The following PCDH10 variants were observed in gnomAD, a reference collection of about 807,000 sequenced individuals.
PCDH10 encodes the protein protocadherin-10.
A neutral mutation model predicts 74.4 loss-of-function variants in PCDH10; 15 were observed. The ratio of observed to expected loss-of-function variants is 0.20; its 90% CI spans 0.13 to 0.31. The LOEUF (loss-of-function observed/expected upper bound fraction) is 0.31, where lower values mean the gene tolerates loss of function less well. Ranked by LOEUF, PCDH10 falls within the 10% of genes least tolerant of loss-of-function variation. The pLI is 1.00. For missense variants in PCDH10, 1,260 were observed against 1,390.2 expected, an observed-to-expected ratio of 0.91 and a Z score of 1.49; for synonymous variants, 619 against 589.8, an observed-to-expected ratio of 1.05 and a Z score of -0.72.
chr4:133,177,316 A>AGCT (rs1727315390), intron 4 of PCDH10, among the ~76,000 whole-genome samples: 1 of 152,170 alleles, frequency 6.6e-6, no homozygotes, highest in Non-Finnish European at 1.5e-5. Flanking sequence ...TCTCACAATC[A>AGCT]GCTTTCTATT....
At chr4:133,205,724 T>TACATAC (rs1727986960) in intron 2 of PCDH10, among the ~76,000 whole-genome samples, 1 of 152,084 alleles carries the variant, frequency 6.6e-6, no homozygotes, top group Non-Finnish European at 1.5e-5. Flanking sequence ...TTCTAGGGTA[T>TACATAC]TTTCTTATGT....
intron 4 of PCDH10, among the ~76,000 whole-genome samples, chr4:133,175,487 TTA>T (rs1187301240): frequency 6.6e-6 from 1 of 152,152 alleles, no homozygotes; most frequent in African/African-American, 2.4e-5. Flanking sequence ...AGGAAAATGC[TTA>T]TGTTTCATGA....
At position 133,170,700 on chromosome 4, in the gene PCDH10, A is replaced by AT. The variant is rs1479882003; in HGVS notation, c.3103+7426dup. The stretch of plus-strand genomic sequence containing the variant: ...TTTTAGTGTATTCTTTTTGTTTTTG[A>AT]TTTTTTTTGAGATGAAGTCTCTCTC... On this transcript the variant is annotated intron_variant, in intron 4 of 4. Transcript: ENST00000264360. Among the ~76,000 whole-genome samples, 7 of 137,966 alleles carry AT rather than the reference A, an allele frequency of 5.1e-5. No homozygotes were observed. In the East Asian group the frequency reaches 6.0e-4, roughly 12 times the overall value. The allele number at this position is 137,966 out of a possible 152,430, so 90.5% of individuals were successfully genotyped here. A position where few individuals can be genotyped will look rare whatever the true frequency, so the allele number is the denominator to read the frequency against.
intron 4 of PCDH10, among the ~76,000 whole-genome samples, chr4:133,179,601 A>G (rs1022744043): frequency 1.3e-5 from 2 of 152,066 alleles, no homozygotes; most frequent in African/African-American, 4.8e-5. Flanking sequence ...GATTCAATTT[A>G]TTTTACTTTT....
chr4:133,164,708 T>G lies in PCDH10; in HGVS notation c.3103+1426T>G, dbSNP rs115197059. On this transcript the variant is annotated intron_variant, in intron 4 of 4. Coordinates refer to ENST00000264360, the MANE Select transcript of PCDH10 (RefSeq NM_032961.3). ...TTTAACATTTACAGATGTCTTTTCT[T>G]TACTGACTGGATTTTTTTATTAATA... Among the ~76,000 whole-genome samples, 360 of 151,650 alleles carry G rather than the reference T, an allele frequency of 2.4e-3. 1 individual carries two copies. Among genetic ancestry groups the G allele is most frequent in the African/African-American group, 8.2e-3 (340 of 41,488 alleles).
At chr4:133,204,800 A>G (rs1283983039) in intron 2 of PCDH10, among the ~76,000 whole-genome samples, 1 of 152,150 alleles carries the variant, frequency 6.6e-6, no homozygotes, top group Non-Finnish European at 1.5e-5. Context: ...ATTGGGATGG[A>G]GAATCTGCAA....
intron 4 of PCDH10, among the ~76,000 whole-genome samples, chr4:133,169,975 G>T (rs1280924514): frequency 2.0e-5 from 3 of 151,988 alleles, no homozygotes; most frequent in African/African-American, 7.2e-5. Context: ...CATAATGTGA[G>T]TCATTTTAAT....
In PCDH10 at chr4:133,192,237, T is replaced by C. The variant is rs539877818; in HGVS notation, c.*2077T>C. ...TTTCTTAAACTTTGGCATTACTACA[T>C]TAATATTTTGAATGATAGACTATTT... On this transcript the variant is annotated 3_prime_UTR_variant, in exon 5 of 5. Transcript: ENST00000264360. 3 of 151,774 alleles carry C rather than the reference T, an allele frequency of 2.0e-5. No individual in the cohort carries two copies. The South Asian group carries it at 6.2e-4, about 31-fold the overall frequency. 9.4% of individuals were successfully genotyped at this position (151,774 alleles called of 1,614,324 possible). A position where few individuals can be genotyped will look rare whatever the true frequency, so the allele number is the denominator to read the frequency against.
intron 4 of PCDH10, among the ~76,000 whole-genome samples, chr4:133,188,142 T>C (rs946764320): frequency 1.3e-5 from 2 of 152,136 alleles, no homozygotes; most frequent in African/African-American, 4.8e-5. Context: ...AGGAGTAATA[T>C]TATTTGTCGG....
chr4:133,151,247 G>A lies in PCDH10; in HGVS notation c.1107G>A (p.Glu369=), dbSNP rs139252813. The change falls in exon 1 of 5, where the codon GAG becomes GAA. Residue 369 remains glutamate (E), a synonymous_variant. Transcript: ENST00000264360. ...SFSTVKEAVS[E]GAAPGTVVAL... is the part of the protein sequence containing the mutation. ...GCACCGTGAAGGAAGCGGTGAGTGA[G>A]GGCGCGGCGCCCGGCACTGTGGTGG... is the stretch of plus-strand genomic sequence containing the variant. 1.9e-6 allele frequency: 3 copies of A among 1,614,056 alleles called. No individual in the cohort carries two copies. The highest frequency in any genetic ancestry group is 2.5e-6 in the Non-Finnish European group (3 of 1,180,010).
At chr4:133,185,882 A>T (rs145284394) in intron 4 of PCDH10, among the ~76,000 whole-genome samples, 3 of 152,270 alleles carry the variant, frequency 2.0e-5, no homozygotes, top group African/African-American at 2.4e-5. Context: ...GTGAATATTC[A>T]ATTTATTAAA....
At chr4:133,190,077 G>A in intron 4 of PCDH10, 64 bp from the exon 5 acceptor site, 1 of 1,297,270 alleles carries the variant, frequency 7.7e-7, no homozygotes, top group Non-Finnish European at 1.1e-6. Context: ...TTACAATAAT[G>A]TGTAATTCTA....
At chr4:133,203,124 C>A (rs551254108) in intron 2 of PCDH10, among the ~76,000 whole-genome samples, 2 of 151,984 alleles carry the variant, frequency 1.3e-5, no homozygotes, top group African/African-American at 4.8e-5. Context: ...CCAGAAAAGC[C>A]CAGTATGTGG....
chr4:133,194,931 A>C (rs1727764533), downstream of PCDH10, among the ~76,000 whole-genome samples: 1 of 151,798 alleles, frequency 6.6e-6, no homozygotes, highest in South Asian at 2.1e-4. Flanking sequence ...CTTTTTTTTG[A>C]TGTGTAGTAA....
chr4:133,149,861 A>G lies in PCDH10; in HGVS notation c.-280A>G, dbSNP rs1448801319. 9.8e-6 allele frequency: 3 copies of G among 305,952 alleles called. No individual in the cohort carries two copies. Among genetic ancestry groups the G allele is most frequent in the African/African-American group, 6.5e-5 (3 of 46,298 alleles). 19.0% of individuals were successfully genotyped at this position (305,952 alleles called of 1,614,324 possible). ...AATAAAGGACGCTGACTATTGTATTATTGTTATTTTATTAATTAGTCAGTG... is the reference window on the plus strand; with the variant it reads ...AATAAAGGACGCTGACTATTGTATTGTTGTTATTTTATTAATTAGTCAGTG... On this transcript the variant is annotated 5_prime_UTR_variant, in exon 1 of 5. Transcript: ENST00000264360.
At chr4:133,200,204 T>C (rs1037732247) in intron 2 of PCDH10, among the ~76,000 whole-genome samples, 27 of 152,170 alleles carry the variant, frequency 1.8e-4, no homozygotes, top group African/African-American at 6.5e-4. Flanking sequence ...GTCAAAACTT[T>C]CTCATTAATA....
At chr4:133,180,556 G>T (rs938523975) in intron 4 of PCDH10, among the ~76,000 whole-genome samples, 2 of 151,924 alleles carry the variant, frequency 1.3e-5, no homozygotes, top group African/African-American at 4.8e-5. Flanking sequence ...TATGTAGGTA[G>T]TTTTGTACAC....
Position 133,152,160 on chromosome 4 carries a change from C to T in PCDH10, c.2020C>T (p.Leu674=). The T allele has an allele frequency of 1.9e-6, 3 of 1,568,708 alleles. No individual in the cohort carries two copies. The highest frequency in any genetic ancestry group is 2.6e-6 in the Non-Finnish European group (3 of 1,157,700). ...GQPPLSSTAT[L]VVQLVDGAVE... Reference sequence around the variant, plus strand: ...GCCGCCCCTTTCCTCCACCGCCACCCTGGTGGTTCAGCTGGTGGATGGCGC... The same window carrying T: ...GCCGCCCCTTTCCTCCACCGCCACCTTGGTGGTTCAGCTGGTGGATGGCGC... The change falls in exon 1 of 5, where the codon CTG becomes TTG. Residue 674 remains leucine (L), a synonymous_variant. Transcript: ENST00000264360.
downstream of PCDH10, among the ~76,000 whole-genome samples, chr4:133,199,223 G>C (rs1165150003): frequency 6.6e-6 from 1 of 150,994 alleles, no homozygotes; most frequent in Non-Finnish European, 1.5e-5. Flanking sequence ...GAGAGGTGGC[G>C]GTTGCAGTGA....
Sources: gnomAD v4.1 joint callset for allele counts (sites outside exome capture counted in the v4.1 genomes callset) on GRCh38, gnomAD v4.1.1 for gene constraint, MANE v1.5 for transcripts, NCBI Gene and HGNC (gene_info 2026-07-23, HGNC 2026-07-21) for gene names.